The following R3HDM2 variants were observed in gnomAD, a reference collection of about 807,000 sequenced individuals.
The protein encoded by R3HDM2 is R3H domain-containing protein 2.
R3HDM2 carries 38 observed loss-of-function variants against 124.5 expected under a neutral mutation model. That is an observed-to-expected ratio of 0.31 (90% confidence interval 0.24 to 0.40). The LOEUF (loss-of-function observed/expected upper bound fraction) is 0.40, where lower values mean the gene tolerates loss of function less well. R3HDM2 is among the 10% of genes least tolerant of loss of function. The pLI, the probability that R3HDM2 is intolerant of heterozygous loss-of-function variation, is 1.00. For synonymous variants in R3HDM2, 391 were observed against 448.0 expected (o/e 0.87, Z 1.61); for missense variants, 869 against 1,236.9 (o/e 0.70, Z 4.46).
At chr12:57,423,145 G>C (rs1465133853) in intron 1 of R3HDM2, among the ~76,000 whole-genome samples, 1 of 152,054 alleles carries the variant, frequency 6.6e-6, no homozygotes. Context: ...TCTGTGGCCG[G>C]GCGCGGTGGC....
intron 2 of R3HDM2, among the ~76,000 whole-genome samples, chr12:57,354,753 T>C (rs1044810989): frequency 1.4e-4 from 22 of 152,292 alleles, no homozygotes; most frequent in African/African-American, 5.3e-4. Context: ...ATTCTACATA[T>C]GAGTATTTTC....
intron 2 of R3HDM2, among the ~76,000 whole-genome samples, chr12:57,382,613 G>C (rs937868787): frequency 6.7e-6 from 1 of 149,422 alleles, no homozygotes; most frequent in Non-Finnish European, 1.5e-5. Context: ...GAGGAGGGCC[G>C]ATCACCAGGT....
At chr12:57,419,492 G>A (rs1430590597) in intron 1 of R3HDM2, among the ~76,000 whole-genome samples, 4 of 151,006 alleles carry the variant, frequency 2.6e-5, no homozygotes, top group African/African-American at 7.3e-5. Flanking sequence ...ACCAGCCTGG[G>A]GTACAGTGGT....
chr12:57,398,731 C>T (rs1032414684), intron 1 of R3HDM2, among the ~76,000 whole-genome samples: 2 of 152,182 alleles, frequency 1.3e-5, no homozygotes, highest in African/African-American at 2.4e-5. Flanking sequence ...TCAAGTGATC[C>T]GCCCACCTCA....
chr12:57,306,532 C>T (rs535778571), intron 3 of R3HDM2, among the ~76,000 whole-genome samples: 13 of 152,126 alleles, frequency 8.5e-5, no homozygotes, highest in Non-Finnish European at 1.5e-4. Flanking sequence ...CCTCAGCCTC[C>T]TGGGTAGCTG....
chr12:57,322,819 G>A (rs774448037), intron 2 of R3HDM2, among the ~76,000 whole-genome samples: 1 of 152,088 alleles, frequency 6.6e-6, no homozygotes, highest in Non-Finnish European at 1.5e-5. Flanking sequence ...GGTGTTCCAG[G>A]GTGGCTGCTC....
At chr12:57,352,241 CAAAAA>C (rs776229504) in intron 2 of R3HDM2, among the ~76,000 whole-genome samples, 2 of 48,474 alleles carry the variant, frequency 4.1e-5, no homozygotes, top group African/African-American at 6.8e-5. Flanking sequence ...GACTCCATCT[CAAAAA>C]AAAAAAAAAA....
intron 19 of R3HDM2, among the ~76,000 whole-genome samples, chr12:57,261,773 A>AC (rs1365842432): frequency 2.0e-5 from 3 of 150,462 alleles, no homozygotes; most frequent in African/African-American, 5.0e-5. Context: ...AAAAAAAAAA[A>AC]AAAAACCCTC....
At chr12:57,258,220 C>G in intron 20 of R3HDM2, 83 bp from the exon 21 acceptor site, 1 of 1,248,804 alleles carries the variant, frequency 8.0e-7, no homozygotes, top group Non-Finnish European at 1.0e-6. Flanking sequence ...AAATTCACCT[C>G]TCTCAGGAAA....
chr12:57,305,012 T>C (rs1194617197), intron 3 of R3HDM2, among the ~76,000 whole-genome samples: 1 of 152,058 alleles, frequency 6.6e-6, no homozygotes, highest in Non-Finnish European at 1.5e-5. Flanking sequence ...GGCAAAACCC[T>C]GTCTCTACTA....
chr12:57,269,691 G>C, intron 15 of R3HDM2, 61 bp downstream of exon 15: 1 of 1,603,982 alleles, frequency 6.2e-7, no homozygotes, highest in Non-Finnish European at 8.5e-7. Flanking sequence ...GAGGAATAAA[G>C]AAAGTATAAT....
At chr12:57,405,823 C>T (rs2068475812) in intron 1 of R3HDM2, among the ~76,000 whole-genome samples, 3 of 152,190 alleles carry the variant, frequency 2.0e-5, no homozygotes, top group Admixed American at 2.0e-4. Flanking sequence ...AACATCATTT[C>T]TCCATAAAAG....
intron 2 of R3HDM2, among the ~76,000 whole-genome samples, chr12:57,362,351 T>C (rs2137626584): frequency 6.6e-6 from 1 of 152,336 alleles, no homozygotes; most frequent in East Asian, 1.9e-4. Context: ...CTCTTCCTTA[T>C]GATTTTCTTA....
At position 57,298,259 on chromosome 12, in the gene R3HDM2, G is replaced by GA. The variant is rs1252538002; in HGVS notation, c.422-92dup. On this transcript the variant is annotated intron_variant, in intron 6 of 23. Coordinates refer to ENST00000402412, the MANE Select transcript of R3HDM2 (RefSeq NM_001394031.1). ...GCAGAAGTCCACAACCTAACCAGGA[G>GA]AAAAAAGAATAGGAAAGCAAAATCA... 3 of 1,013,078 alleles carry GA rather than the reference G, an allele frequency of 3.0e-6. No individual in the cohort carries two copies. In the African/African-American group the frequency reaches 5.0e-5, roughly 17 times the overall value. 62.8% of individuals were successfully genotyped at this position (1,013,078 alleles called of 1,614,324 possible).
chr12:57,421,175 T>G (rs1329777338), intron 1 of R3HDM2, among the ~76,000 whole-genome samples: 1 of 149,236 alleles, frequency 6.7e-6, no homozygotes, highest in Non-Finnish European at 1.5e-5. Flanking sequence ...TTTTTTTTTT[T>G]TTTTCTGAGA....
At chr12:57,326,108 G>A (rs187509710) in intron 2 of R3HDM2, among the ~76,000 whole-genome samples, 2 of 152,304 alleles carry the variant, frequency 1.3e-5, no homozygotes, top group Admixed American at 6.5e-5. Context: ...ATCAATAAAT[G>A]TAAATGTTCT....
intron 2 of R3HDM2, among the ~76,000 whole-genome samples, chr12:57,383,388 G>T (rs929353458): frequency 1.3e-5 from 2 of 152,084 alleles, no homozygotes; most frequent in African/African-American, 4.8e-5. Flanking sequence ...ATCACAATTT[G>T]TAAAATCTGG....
At chr12:57,359,208 C>T (rs1479334440) in intron 2 of R3HDM2, among the ~76,000 whole-genome samples, 5 of 152,136 alleles carry the variant, frequency 3.3e-5, no homozygotes, top group South Asian at 2.1e-4. Context: ...TGAACCACCG[C>T]GCCCAGTCCC....
intron 11 of R3HDM2, among the ~76,000 whole-genome samples, chr12:57,289,891 C>T (rs978255199): frequency 2.6e-5 from 4 of 152,218 alleles, no homozygotes; most frequent in African/African-American, 7.2e-5. Flanking sequence ...CCCTAATCAG[C>T]TCCCTTTAGC....
Sources: gnomAD v4.1 joint callset for allele counts (sites outside exome capture counted in the v4.1 genomes callset) on GRCh38, gnomAD v4.1.1 for gene constraint, MANE v1.5 for transcripts, NCBI Gene and HGNC (gene_info 2026-07-23, HGNC 2026-07-21) for gene names.